KLHL6: variants seen among roughly 807,000 people sequenced by gnomAD.
The protein encoded by KLHL6 is kelch like family member 6.
In KLHL6, 41 loss-of-function variants were observed where a neutral mutation model predicts 58.6. The ratio of observed to expected loss-of-function variants is 0.70; its 90% CI spans 0.55 to 0.91. KLHL6 has a LOEUF of 0.91. Among genes scored for constraint, KLHL6 ranks in the 40% least tolerant of loss-of-function variants. The pLI, the probability that KLHL6 is intolerant of heterozygous loss-of-function variation, is 0.00. For missense variants in KLHL6, 714 were observed against 805.6 expected (o/e 0.89, Z 1.38); for synonymous variants, 338 against 322.7 (o/e 1.05, Z -0.51).
Position 183,499,552 on chromosome 3 carries a change from A to T in KLHL6, c.1147+38T>A. ...GCCACTCAGGAATATATGTAGTGCT[A>T]CTGGAGCTTGCTTTGCCTTTACATG... On this transcript the variant is annotated intron_variant, in intron 4 of 6. Coordinates refer to ENST00000341319, the MANE Select transcript of KLHL6 (RefSeq NM_130446.4). The surrounding 1 kb of genome is among the most constrained non-coding windows in gnomAD (Gnocchi z 4.6). The T allele has an allele frequency of 7.1e-7, 1 of 1,406,414 alleles. No individual in the cohort carries two copies. The highest frequency in any genetic ancestry group is 9.8e-7 in the Non-Finnish European group (1 of 1,017,300). The allele number at this position is 1,406,414 out of a possible 1,614,324, so 87.1% of individuals were successfully genotyped here.
In KLHL6 at chr3:183,492,704, C is replaced by A. The variant is rs200654682; in HGVS notation, c.1354G>T (p.Ala452Ser). The change falls in exon 6 of 7, where the codon GCA (alanine) becomes TCA (serine). Residue 452 changes from alanine to serine, a missense_variant. Transcript: ENST00000341319. The surrounding 1 kb of genome is among the most constrained non-coding windows in gnomAD (Gnocchi z 5.9). ...GAACTGACATGGACAAGGAGGGGTG[C>A]GGCCTGTAGAGGCACAGGGCACAAG... ...DPFHNCWSEA[A>S]PLLVHVSSFA... The A allele has an allele frequency of 6.2e-7, 1 of 1,612,980 alleles. No individual in the cohort carries two copies. Among genetic ancestry groups the A allele is most frequent in the South Asian group, 1.1e-5 (1 of 90,982 alleles).
chr3:183,493,230 C>G (rs1245494835), intron 5 of KLHL6: 1 of 162,908 alleles, frequency 6.1e-6, no homozygotes, highest in Non-Finnish European at 1.3e-5. Flanking sequence ...ATCCTGTGAA[C>G]CCCAGGACAG....
intron 2 of KLHL6, among the ~76,000 whole-genome samples, chr3:183,525,324 C>G (rs1010706047): frequency 1.2e-4 from 16 of 136,470 alleles, no homozygotes; most frequent in Non-Finnish European, 3.3e-5. Context: ...ACAATCCTAA[C>G]CCGGGGGGGA....
At chr3:183,501,453 A>T (rs1013826389) in intron 3 of KLHL6, among the ~76,000 whole-genome samples, 10 of 152,110 alleles carry the variant, frequency 6.6e-5, no homozygotes, top group Non-Finnish European at 1.5e-4. Context: ...CCCTGAATTC[A>T]TTCCCTTATG....
chr3:183,496,883 A>T (rs1717725682), intron 4 of KLHL6, among the ~76,000 whole-genome samples: 1 of 152,246 alleles, frequency 6.6e-6, no homozygotes, highest in Admixed American at 6.5e-5. Context: ...CGCACCTGTA[A>T]TCCCAGCCCT....
chr3:183,544,218 T>C (rs1712646718), intron 1 of KLHL6, among the ~76,000 whole-genome samples: 1 of 149,382 alleles, frequency 6.7e-6, no homozygotes, highest in African/African-American at 2.5e-5. Context: ...CTTGTAATTA[T>C]GGTGGCCTTA....
intron 2 of KLHL6, among the ~76,000 whole-genome samples, chr3:183,524,779 G>A (rs1452407349): frequency 1.3e-5 from 2 of 152,202 alleles, no homozygotes; most frequent in Non-Finnish European, 2.9e-5. Context: ...TGGGTGGGGC[G>A]GGGAGCACTG....
chr3:183,510,442 C>T (rs965469665), intron 2 of KLHL6, among the ~76,000 whole-genome samples: 1 of 152,052 alleles, frequency 6.6e-6, no homozygotes, highest in Non-Finnish European at 1.5e-5. Flanking sequence ...AGGACTGGTT[C>T]TAAGAGTGGA....
At position 183,499,520 on chromosome 3, in the gene KLHL6, C is replaced by A. The variant is rs774473230; in HGVS notation, c.1147+70G>T. 1 of 1,046,098 alleles carries A rather than the reference C, an allele frequency of 9.6e-7. No homozygotes were observed. The highest frequency in any genetic ancestry group is 1.4e-6 in the Non-Finnish European group (1 of 709,658). The allele number at this position is 1,046,098 out of a possible 1,614,324, so 64.8% of individuals were successfully genotyped here. A position where few individuals can be genotyped will look rare whatever the true frequency, so the allele number is the denominator to read the frequency against. On this transcript the variant is annotated intron_variant, in intron 4 of 6. Transcript: ENST00000341319. This position sits in a 1 kb window ranked among gnomAD's most constrained non-coding sequence, Gnocchi z 4.6. ...CACAGTAATTCTTCTAGGATGGTTG[C>A]CTGGCTGCCACTCAGGAATATATGT...
intron 1 of KLHL6, among the ~76,000 whole-genome samples, chr3:183,530,990 C>T (rs549929927): frequency 3.0e-4 from 45 of 152,098 alleles, no homozygotes; most frequent in Non-Finnish European, 4.7e-4. Flanking sequence ...CGCCACCACG[C>T]CTGGCTAATT....
Position 183,508,193 on chromosome 3 carries a change from C to T in KLHL6, c.775G>A (p.Glu259Lys), listed in dbSNP as rs1405916127. 1.2e-6 allele frequency: 2 copies of T among 1,614,186 alleles called. No individual in the cohort carries two copies. The highest frequency in any genetic ancestry group is 2.2e-5 in the East Asian group (1 of 44,876). Residue 259 changes from glutamate (E) to lysine (K), a missense_variant, in exon 3 of 7, where the codon GAG (glutamate) becomes AAG (lysine). By Grantham distance (56) the Glu-to-Lys change is moderately conservative. Transcript: ENST00000341319. ...TCCAGAAGCGGTAAGCGCACGTTCTCGAGGACATAGGGGAGTAAGCAGAGT... is the reference window on the plus strand; with the variant it reads ...TCCAGAAGCGGTAAGCGCACGTTCTTGAGGACATAGGGGAGTAAGCAGAGT... ...ERLCLLPYVL[E>K]NVRLPLLDPW...
intron 3 of KLHL6, among the ~76,000 whole-genome samples, chr3:183,506,208 T>C (rs928966663): frequency 6.6e-6 from 1 of 152,220 alleles, no homozygotes; most frequent in Non-Finnish European, 1.5e-5. Context: ...CATTACTTCC[T>C]CTCCACTAAA....
At chr3:183,504,655 A>G (rs1717954070) in intron 3 of KLHL6, among the ~76,000 whole-genome samples, 1 of 152,236 alleles carries the variant, frequency 6.6e-6, no homozygotes, top group Admixed American at 6.5e-5. Flanking sequence ...TTGGAAGTAT[A>G]GTTGATCAAG....
At chr3:183,511,455 G>A (rs1167873643) in intron 2 of KLHL6, among the ~76,000 whole-genome samples, 1 of 152,196 alleles carries the variant, frequency 6.6e-6, no homozygotes, top group East Asian at 1.9e-4. Flanking sequence ...TATCTCAACT[G>A]CAAGGGACTT....
chr3:183,492,233 G>A lies in KLHL6; in HGVS notation c.1565-5C>T. ...ACAGCGCTCTCATGGCCCCACCTGA[G>A]GAGAGGGAGGAAACACGGTGGGCAT... On this transcript the variant is annotated splice_region_variant and splice_polypyrimidine_tract_variant and intron_variant, in intron 6 of 6. Transcript: ENST00000341319. This position sits in a 1 kb window ranked among gnomAD's most constrained non-coding sequence, Gnocchi z 5.9. 1.3e-6 allele frequency: 2 copies of A among 1,582,292 alleles called. No homozygotes were observed. Among genetic ancestry groups the A allele is most frequent in the Non-Finnish European group, 1.7e-6 (2 of 1,162,212 alleles).
At position 183,555,478 on chromosome 3, in the gene KLHL6, T is replaced by C; in HGVS notation, c.176A>G (p.Gln59Arg). Residue 59 changes from glutamine to arginine, a missense_variant, in exon 1 of 7, where the codon CAG becomes CGG. Gln to Arg is a conservative substitution (Grantham distance 43). Transcript: ENST00000341319. ...CATTCGCAGGGTTTCCAGGCCATTC[T>C]GAAGAATTAAGGAGAGTCCCGCGTC... ...FDDAGLSLILQNGLETLRMEN... is the reference protein window; with the variant it reads ...FDDAGLSLILRNGLETLRMEN... The C allele has an allele frequency of 6.2e-7, 1 of 1,614,190 alleles. No homozygotes were observed. Among genetic ancestry groups the C allele is most frequent in the African/African-American group, 1.3e-5 (1 of 75,044 alleles).
intron 1 of KLHL6, among the ~76,000 whole-genome samples, chr3:183,545,838 T>C (rs369304281): frequency 6.6e-6 from 1 of 152,358 alleles, no homozygotes; most frequent in East Asian, 1.9e-4. Context: ...TTTCCTGTGA[T>C]AGCCACATTT....
chr3:183,500,024 G>T (rs981821241), intron 3 of KLHL6, among the ~76,000 whole-genome samples, 197 bp from the exon 4 acceptor site: 7 of 152,164 alleles, frequency 4.6e-5, no homozygotes, highest in Admixed American at 6.5e-5. Flanking sequence ...TGTTGTGAGG[G>T]TTAAATGGGA....
chr3:183,528,138 G>T, intron 1 of KLHL6, 128 bp from the exon 2 acceptor site: 1 of 982,064 alleles, frequency 1.0e-6, no homozygotes. Context: ...CTGGGCTGGT[G>T]GCTCTCTGTT....
Sources: allele counts gnomAD v4.1 joint callset (sites outside exome capture counted in the v4.1 genomes callset), GRCh38; gene constraint gnomAD v4.1.1; non-coding constraint Gnocchi (gnomAD v3.1); transcripts MANE v1.5; gene names NCBI Gene and HGNC (gene_info 2026-07-23, HGNC 2026-07-21).